The following C12orf42 variants were observed in gnomAD, a reference collection of about 807,000 sequenced individuals.
The protein encoded by C12orf42 is uncharacterized protein C12orf42.
A neutral mutation model predicts 21.6 loss-of-function variants in C12orf42; 25 were observed. That is an observed-to-expected ratio of 1.16 (90% CI 0.84 to 1.62). The LOEUF is 1.62. Ranked by LOEUF, C12orf42 falls within the 40% of genes most tolerant of loss-of-function variation. C12orf42 has a pLI of 0.00. For synonymous variants in C12orf42, 174 were observed against 175.0 expected, an observed-to-expected ratio of 0.99 and a Z score of 0.05; for missense variants, 483 against 459.3, an observed-to-expected ratio of 1.05 and a Z score of -0.47.
intron 10 of C12orf42, among the ~76,000 whole-genome samples, chr12:103,256,071 A>T (rs1376769005): frequency 3.3e-4 from 17 of 51,186 alleles, no homozygotes; most frequent in African/African-American, 1.1e-3. Flanking sequence ...AAAAAAAAAA[A>T]AAAAAAAAAA....
At chr12:103,483,706 AC>A (rs1954629761) in intron 1 of C12orf42, among the ~76,000 whole-genome samples, 1 of 151,644 alleles carries the variant, frequency 6.6e-6, no homozygotes, top group Non-Finnish European at 1.5e-5. Context: ...GTACATGTGC[AC>A]AACATGCAGG....
chr12:103,096,102 G>T, the C12orf42 span, among the ~76,000 whole-genome samples: 1 of 152,136 alleles, frequency 6.6e-6, no homozygotes, highest in African/African-American at 2.4e-5. Flanking sequence ...TCTCAAAATT[G>T]GATTGTGCTC....
At chr12:103,539,147 C>T in the C12orf42 span, among the ~76,000 whole-genome samples, 2 of 152,172 alleles carry the variant, frequency 1.3e-5, no homozygotes, top group Non-Finnish European at 1.5e-5. Context: ...TGTATTAGTT[C>T]ATTTAATGTT....
At chr12:103,062,918 T>C in the C12orf42 span, among the ~76,000 whole-genome samples, 1 of 152,218 alleles carries the variant, frequency 6.6e-6, no homozygotes, top group Non-Finnish European at 1.5e-5. Flanking sequence ...TCCTGCGTTT[T>C]TTTATGCCGT....
intron 4 of C12orf42, among the ~76,000 whole-genome samples, chr12:103,312,505 C>T (rs1383360358): frequency 6.6e-6 from 1 of 152,196 alleles, no homozygotes; most frequent in Non-Finnish European, 1.5e-5. Flanking sequence ...GCTCAAAGTT[C>T]CAATGAATAA....
At chr12:103,166,042 AAAAAAAAGAAAG>A in the C12orf42 span, among the ~76,000 whole-genome samples, 1 of 151,094 alleles carries the variant, frequency 6.6e-6, no homozygotes, top group African/African-American at 2.5e-5. Context: ...TCCGTCTCAA[AAAAAAAAGAAAG>A]AAAAAAGAAA....
At chr12:103,311,404 T>A (rs2038961776) in intron 4 of C12orf42, among the ~76,000 whole-genome samples, 1 of 151,996 alleles carries the variant, frequency 6.6e-6, no homozygotes, top group Admixed American at 6.6e-5. Context: ...TCAGCTGATT[T>A]ATTGCAAAAT....
chr12:103,060,217 C>A, the C12orf42 span, among the ~76,000 whole-genome samples: 6 of 152,076 alleles, frequency 3.9e-5, no homozygotes, highest in Non-Finnish European at 7.4e-5. Context: ...TGAGTGAACT[C>A]CTATTCACAA....
At chr12:103,323,830 G>T (rs2040418004) in intron 4 of C12orf42, among the ~76,000 whole-genome samples, 2 of 152,136 alleles carry the variant, frequency 1.3e-5, no homozygotes, top group Non-Finnish European at 2.9e-5. Context: ...ATATTAAAAA[G>T]AAATACTCCC....
the C12orf42 span, among the ~76,000 whole-genome samples, chr12:103,219,379 G>A: frequency 6.6e-6 from 1 of 152,118 alleles, no homozygotes; most frequent in Non-Finnish European, 1.5e-5. Flanking sequence ...AACACCAAAA[G>A]CAATGGCAAC....
At chr12:103,479,767 C>A (rs1053695639) in intron 1 of C12orf42, among the ~76,000 whole-genome samples, 1 of 152,058 alleles carries the variant, frequency 6.6e-6, no homozygotes, top group Middle Eastern at 3.4e-3. Flanking sequence ...TTAAATGAAC[C>A]AGGCATTCAT....
the C12orf42 span, among the ~76,000 whole-genome samples, chr12:103,128,311 CTT>C: frequency 2.0e-5 from 3 of 152,078 alleles, no homozygotes; most frequent in Non-Finnish European, 4.4e-5. Flanking sequence ...CTTTATAAAT[CTT>C]TATACTTTCC....
chr12:103,554,738 T>A, the C12orf42 span, among the ~76,000 whole-genome samples: 2 of 152,148 alleles, frequency 1.3e-5, no homozygotes. Flanking sequence ...GGGAAGGTGC[T>A]ACACGCTTTC....
At chr12:103,317,697 G>GTT (rs67825483) in intron 4 of C12orf42, among the ~76,000 whole-genome samples, 2 of 151,678 alleles carry the variant, frequency 1.3e-5, no homozygotes, top group African/African-American at 2.4e-5. Flanking sequence ...ATTCTGAGTA[G>GTT]TTTTTTTTAA....
chr12:103,088,485 T>C, the C12orf42 span, among the ~76,000 whole-genome samples: 1 of 152,238 alleles, frequency 6.6e-6, no homozygotes, highest in African/African-American at 2.4e-5. Context: ...GGTTTTACTA[T>C]GTTAATTGAG....
the C12orf42 span, among the ~76,000 whole-genome samples, chr12:103,221,190 A>G: frequency 2.0e-5 from 3 of 152,350 alleles, no homozygotes; most frequent in African/African-American, 7.2e-5. Flanking sequence ...TTTCAGAGAG[A>G]TGGAGTTTGA....
At chr12:103,062,118 C>T in the C12orf42 span, among the ~76,000 whole-genome samples, 1 of 151,690 alleles carries the variant, frequency 6.6e-6, no homozygotes, top group Non-Finnish European at 1.5e-5. Context: ...CTTAGTATTC[C>T]ATTAGCCAAT....
intron 1 of C12orf42, among the ~76,000 whole-genome samples, chr12:103,495,408 G>A (rs998459211): frequency 1.1e-4 from 16 of 151,698 alleles, no homozygotes; most frequent in African/African-American, 3.9e-4. Context: ...CGCTCCGCCC[G>A]GCCCCTCCCC....
the C12orf42 span, among the ~76,000 whole-genome samples, chr12:103,539,992 G>A: frequency 1.0e-4 from 13 of 125,600 alleles, no homozygotes; most frequent in Admixed American, 2.3e-4. Context: ...CCATGAGGTC[G>A]TTTTTTGTTT....
Sources: allele counts gnomAD v4.1 joint callset (sites outside exome capture counted in the v4.1 genomes callset), GRCh38; gene constraint gnomAD v4.1.1; transcripts MANE v1.5; gene names NCBI Gene and HGNC (gene_info 2026-07-23, HGNC 2026-07-21).